Variants in NAA25 observed in about 807,000 individuals in gnomAD.
NAA25 encodes N-terminal acetyltransferase B complex subunit NAA25.
In NAA25, 30 loss-of-function variants were observed where a neutral mutation model predicts 132.5. The observed-to-expected ratio is 0.23, with a 90% confidence interval of 0.17 to 0.31. NAA25 has a LOEUF of 0.31. NAA25 is among the 10% of genes least tolerant of loss of function. NAA25 has a pLI of 1.00. For synonymous variants in NAA25, 359 were observed against 401.9 expected (o/e 0.89, Z 1.28); for missense variants, 771 against 1,150.4 (o/e 0.67, Z 4.77).
intron 11 of NAA25, among the ~76,000 whole-genome samples, chr12:112,065,012 C>G (rs933463509): frequency 6.6e-6 from 1 of 151,846 alleles, no homozygotes; most frequent in Non-Finnish European, 1.5e-5. Context: ...CTAGCCTGGG[C>G]AAGAAGAGCG....
intron 2 of NAA25, 47 bp from the exon 3 acceptor site, chr12:112,090,911 A>G (rs1014201099): frequency 2.6e-6 from 4 of 1,542,672 alleles, no homozygotes; most frequent in Non-Finnish European, 3.5e-6. Context: ...ACAGAAAAGG[A>G]AATATGAACC....
chr12:112,070,000 C>T (rs900486856), intron 10 of NAA25, among the ~76,000 whole-genome samples: 6 of 151,618 alleles, frequency 4.0e-5, no homozygotes, highest in Non-Finnish European at 2.9e-5. Context: ...TGGTGGCGAT[C>T]GCCTGTAATC....
intron 13 of NAA25, among the ~76,000 whole-genome samples, chr12:112,056,447 C>T (rs952485297): frequency 6.6e-6 from 1 of 151,970 alleles, no homozygotes; most frequent in African/African-American, 2.4e-5. Flanking sequence ...CTCCCAGTTA[C>T]CCAGGAGGCT....
chr12:112,041,190 A>AC (rs2136812275), intron 20 of NAA25, among the ~76,000 whole-genome samples: 1 of 145,366 alleles, frequency 6.9e-6, no homozygotes, highest in East Asian at 3.3e-4. Context: ...CTAAAAAGAC[A>AC]CTTTTTTTTT....
intron 9 of NAA25, among the ~76,000 whole-genome samples, chr12:112,072,805 C>T (rs1408323379): frequency 6.6e-6 from 1 of 151,794 alleles, no homozygotes; most frequent in African/African-American, 2.4e-5. Context: ...ATTGTGGTGG[C>T]ACACACCTGT....
intron 12 of NAA25, among the ~76,000 whole-genome samples, chr12:112,060,727 T>C (rs887263517): frequency 6.6e-6 from 1 of 152,224 alleles, no homozygotes; most frequent in African/African-American, 2.4e-5. Context: ...TACAGATAAA[T>C]ACTGACATCT....
intron 11 of NAA25, among the ~76,000 whole-genome samples, chr12:112,066,801 A>G (rs527826518): frequency 6.6e-6 from 1 of 152,330 alleles, no homozygotes; most frequent in South Asian, 2.1e-4. Flanking sequence ...TGGGGAATGC[A>G]CTGCTCTATC....
Position 112,042,022 on chromosome 12 carries a change from A to G in NAA25, c.2440+17T>C. On this transcript the variant is annotated intron_variant, in intron 20 of 23. Transcript: ENST00000261745. Reference sequence around the variant, plus strand: ...CAACCAGATACAAATACAGGAATCTACAGTAGGAAAACTTACCTTTTAACT... The same window carrying G: ...CAACCAGATACAAATACAGGAATCTGCAGTAGGAAAACTTACCTTTTAACT... The G allele has an allele frequency of 7.1e-7, 1 of 1,408,064 alleles. No homozygotes were observed. Among genetic ancestry groups the G allele is most frequent in the Non-Finnish European group, 9.5e-7 (1 of 1,047,392 alleles). 87.2% of individuals were successfully genotyped at this position (1,408,064 alleles called of 1,614,324 possible). A position where few individuals can be genotyped will look rare whatever the true frequency, so the allele number is the denominator to read the frequency against.
At chr12:112,107,708 C>T (rs1478010549) in intron 1 of NAA25, among the ~76,000 whole-genome samples, 1 of 152,150 alleles carries the variant, frequency 6.6e-6, no homozygotes, top group Non-Finnish European at 1.5e-5. Flanking sequence ...CACATGAGGT[C>T]TATAAATACG....
intron 2 of NAA25, among the ~76,000 whole-genome samples, chr12:112,091,296 T>C (rs973025140): frequency 6.7e-6 from 1 of 149,174 alleles, no homozygotes; most frequent in African/African-American, 2.5e-5. Flanking sequence ...CTCATGCGTA[T>C]AACACTTTGG....
chr12:112,045,010 G>A (rs2078358378), intron 17 of NAA25, among the ~76,000 whole-genome samples: 1 of 150,972 alleles, frequency 6.6e-6, no homozygotes, highest in South Asian at 2.1e-4. Flanking sequence ...ATATGGTCAC[G>A]CCACTGTACT....
chr12:112,045,028 G>C (rs1035736092), intron 17 of NAA25, among the ~76,000 whole-genome samples: 2 of 152,064 alleles, frequency 1.3e-5, no homozygotes, highest in African/African-American at 2.4e-5. Context: ...ACTCCAGCCT[G>C]GGTAAGATCC....
intron 9 of NAA25, among the ~76,000 whole-genome samples, chr12:112,074,395 G>A (rs1454993931): frequency 7.9e-6 from 1 of 126,640 alleles, no homozygotes; most frequent in Admixed American, 7.9e-5. Flanking sequence ...TTAGCATAAA[G>A]ATGGAAATAA....
intron 18 of NAA25, 33 bp downstream of exon 18, chr12:112,043,592 G>GC: frequency 6.2e-7 from 1 of 1,606,546 alleles, no homozygotes; most frequent in Non-Finnish European, 8.5e-7. Context: ...TATAATTATT[G>GC]CAACTTTGAT....
chr12:112,044,894 A>G (rs1039973308), intron 17 of NAA25, among the ~76,000 whole-genome samples: 3 of 149,914 alleles, frequency 2.0e-5, no homozygotes, highest in African/African-American at 7.3e-5. Context: ...AAAAAAAAAA[A>G]TACAAAAAAT....
intron 22 of NAA25, among the ~76,000 whole-genome samples, chr12:112,037,024 A>G (rs1188647420): frequency 2.0e-5 from 3 of 151,888 alleles, no homozygotes; most frequent in African/African-American, 7.2e-5. Flanking sequence ...GAAAGGAACC[A>G]GTGCTCTTGA....
chr12:112,073,427 A>T (rs2078844629), intron 9 of NAA25, among the ~76,000 whole-genome samples: 2 of 152,132 alleles, frequency 1.3e-5, no homozygotes, highest in Non-Finnish European at 2.9e-5. Context: ...TTAATTTTTT[A>T]AAAGATCCCA....
In NAA25 at chr12:112,050,122, C is replaced by T. The variant is rs532559508; in HGVS notation, c.1729-1679G>A. Among the ~76,000 whole-genome samples the T allele has an allele frequency of 8.0e-5, 12 of 149,440 alleles. No individual in the cohort carries two copies. In the South Asian group the frequency reaches 2.6e-3, roughly 32 times the overall value. ...GCAACAAAGAGAGTATAGTCTTTAA[C>T]AAACTAAGAAGGTAGTCACAGTTCT... On this transcript the variant is annotated intron_variant, in intron 15 of 23. Transcript: ENST00000261745.
intron 17 of NAA25, 97 bp downstream of exon 17, chr12:112,047,568 G>A (rs985071796): frequency 2.3e-5 from 32 of 1,389,278 alleles, no homozygotes; most frequent in Non-Finnish European, 3.2e-5. Context: ...CTTCACCCAG[G>A]AGTTCGAAGC....
Sources: gnomAD v4.1 joint callset for allele counts (sites outside exome capture counted in the v4.1 genomes callset) on GRCh38, gnomAD v4.1.1 for gene constraint, MANE v1.5 for transcripts, NCBI Gene and HGNC (gene_info 2026-07-23, HGNC 2026-07-21) for gene names.